The following CYRIB variants were observed in gnomAD, a reference collection of about 807,000 sequenced individuals.
CYRIB encodes the protein CYFIP-related Rac1 interactor B.
A neutral mutation model predicts 44.2 loss-of-function variants in CYRIB; 8 were observed. The observed-to-expected ratio is 0.18, with a 90% CI of 0.11 to 0.33. CYRIB has a LOEUF of 0.33. Ranked by LOEUF, CYRIB falls within the 10% of genes least tolerant of loss-of-function variation. The pLI, the probability that CYRIB is intolerant of heterozygous loss-of-function variation, is 1.00. For synonymous variants in CYRIB, 131 were observed against 127.2 expected, an observed-to-expected ratio of 1.03 and a Z score of -0.20; for missense variants, 185 against 382.8, an observed-to-expected ratio of 0.48 and a Z score of 4.31.
chr8:129,877,888 A>C (rs950541067), intron 3 of CYRIB, among the ~76,000 whole-genome samples: 9 of 152,272 alleles, frequency 5.9e-5, no homozygotes, highest in East Asian at 3.9e-4. Flanking sequence ...AATTTGAGAC[A>C]AAGAGGAAAA....
chr8:129,953,432 T>A (rs2094605134), intron 2 of CYRIB, among the ~76,000 whole-genome samples: 2 of 152,236 alleles, frequency 1.3e-5, no homozygotes, highest in South Asian at 4.2e-4. Flanking sequence ...TTGGCCTGGG[T>A]TCCTCATCAC....
intron 1 of CYRIB, among the ~76,000 whole-genome samples, chr8:129,923,519 C>T (rs1231481284): frequency 2.0e-5 from 3 of 152,050 alleles, no homozygotes; most frequent in Admixed American, 6.5e-5. Flanking sequence ...AGGTGATCCA[C>T]CCACCTAAGC....
intron 3 of CYRIB, 97 bp downstream of exon 5, chr8:129,879,292 C>G: frequency 6.3e-6 from 5 of 791,724 alleles, no homozygotes; most frequent in Non-Finnish European, 1.1e-5. Context: ...TCATGCAAAG[C>G]AGTTAAAAAG....
chr8:129,980,115 A>G (rs1440202447), intron 1 of CYRIB, among the ~76,000 whole-genome samples: 1 of 151,594 alleles, frequency 6.6e-6, no homozygotes, highest in African/African-American at 2.4e-5. Context: ...CAGTATCATG[A>G]TCTATTGCTT....
At chr8:129,839,962 G>A (rs1563857297) in exon 12 of CYRIB, 1 of 152,306 alleles carries the variant, frequency 6.6e-6, no homozygotes, top group South Asian at 2.1e-4. Flanking sequence ...CCTTCCTTGG[G>A]ACACTGAAGG....
chr8:129,891,141 G>T (rs1285497208), intron 2 of CYRIB, among the ~76,000 whole-genome samples: 2 of 152,128 alleles, frequency 1.3e-5, no homozygotes, highest in East Asian at 1.9e-4. Context: ...GGCCTATGGG[G>T]TTCTTCCTTC....
At chr8:129,991,090 C>T (rs1280396210) in intron 1 of CYRIB, among the ~76,000 whole-genome samples, 2 of 145,496 alleles carry the variant, frequency 1.4e-5, no homozygotes, top group African/African-American at 2.6e-5. Context: ...CGAGATCGCA[C>T]CACTGCACTC....
chr8:129,965,416 T>G (rs976199233), intron 2 of CYRIB, among the ~76,000 whole-genome samples: 1 of 152,116 alleles, frequency 6.6e-6, no homozygotes, highest in African/African-American at 2.4e-5. Flanking sequence ...GCTTTATTCT[T>G]AAACTTAAGA....
intron 1 of CYRIB, among the ~76,000 whole-genome samples, chr8:129,926,394 C>G (rs2087741615): frequency 6.6e-6 from 1 of 152,184 alleles, no homozygotes; most frequent in Admixed American, 6.5e-5. Flanking sequence ...GTGTGCTGCT[C>G]TTTCTAAAAT....
chr8:129,861,902 T>C (rs1487938115), intron 5 of CYRIB, among the ~76,000 whole-genome samples: 16 of 152,172 alleles, frequency 1.1e-4, no homozygotes, highest in Admixed American at 1.0e-3. Context: ...TAAGTCCTTT[T>C]CCCATATATG....
chr8:129,889,744 T>C (rs1286579576), intron 2 of CYRIB, among the ~76,000 whole-genome samples: 1 of 152,008 alleles, frequency 6.6e-6, no homozygotes, highest in Non-Finnish European at 1.5e-5. Flanking sequence ...TGATAAAAAC[T>C]TGAGTGGATG....
chr8:129,961,550 C>G (rs2095258440), intron 2 of CYRIB, among the ~76,000 whole-genome samples: 1 of 152,180 alleles, frequency 6.6e-6, no homozygotes. Flanking sequence ...TCTGTACAAC[C>G]TTAGAGGCTG....
At chr8:129,979,460 GT>G (rs2096114333) in intron 1 of CYRIB, among the ~76,000 whole-genome samples, 1 of 152,094 alleles carries the variant, frequency 6.6e-6, no homozygotes, top group Non-Finnish European at 1.5e-5. Flanking sequence ...AACCTTTTAG[GT>G]TGAACCACTA....
chr8:130,006,614 A>ATATATATATATATATATATATATGTG (rs1486190434), intron 1 of CYRIB, among the ~76,000 whole-genome samples: 1 of 16,602 alleles, frequency 6.0e-5, no homozygotes, highest in African/African-American at 9.0e-5. Context: ...ATACATATAT[A>ATATATATATATATATATATATATGTG]TGTGTATATA....
intron 4 of CYRIB, among the ~76,000 whole-genome samples, chr8:129,870,798 G>A (rs1403096254): frequency 1.3e-5 from 2 of 151,962 alleles, no homozygotes; most frequent in Non-Finnish European, 2.9e-5. Flanking sequence ...ATATGCTACG[G>A]GGAAGAATTC....
chr8:129,884,018 G>A (rs746580274), intron 2 of CYRIB, among the ~76,000 whole-genome samples: 127 of 152,272 alleles, frequency 8.3e-4, no homozygotes, highest in Non-Finnish European at 1.5e-3. Context: ...CCTAGAGGAT[G>A]GCAGTCTATC....
chr8:129,981,572 T>C (rs16904186), intron 1 of CYRIB, among the ~76,000 whole-genome samples: 5,919 of 152,270 alleles, frequency 0.039, 350 homozygotes, highest in African/African-American at 0.13. Context: ...AGTGTAAGGA[T>C]GTATCACTTT....
At chr8:129,941,634 G>T (rs574383859), upstream of CYRIB, among the ~76,000 whole-genome samples, 11 of 152,198 alleles carry the variant, frequency 7.2e-5, no homozygotes, top group East Asian at 2.1e-3. Flanking sequence ...CAAGAAGCTT[G>T]GTCCACTTGT....
At chr8:130,009,269 CTTT>C (rs113080038) in intron 1 of CYRIB, among the ~76,000 whole-genome samples, 3 of 143,066 alleles carry the variant, frequency 2.1e-5, no homozygotes, top group Non-Finnish European at 3.1e-5. Flanking sequence ...TCAAAAGCAT[CTTT>C]TTTTTTTTTT....
Sources: gnomAD v4.1 joint callset for allele counts (sites outside exome capture counted in the v4.1 genomes callset) on GRCh38, gnomAD v4.1.1 for gene constraint, MANE v1.5 for transcripts, NCBI Gene and HGNC (gene_info 2026-07-23, HGNC 2026-07-21) for gene names.